The following MEF2D variants were observed in gnomAD, a reference collection of about 807,000 sequenced individuals.
MEF2D encodes myocyte-specific enhancer factor 2D.
MEF2D carries 10 observed loss-of-function variants against 59.3 expected under a neutral mutation model. The ratio of observed to expected loss-of-function variants is 0.17; its 90% CI spans 0.10 to 0.29. The LOEUF is 0.29. MEF2D is among the 10% of genes least tolerant of loss of function. The pLI, the probability that MEF2D is intolerant of heterozygous loss-of-function variation, is 1.00. For missense variants in MEF2D, 508 were observed against 699.4 expected, an observed-to-expected ratio of 0.73 and a Z score of 3.09; for synonymous variants, 305 against 295.0, an observed-to-expected ratio of 1.03 and a Z score of -0.35.
Position 156,464,423 on chromosome 1 carries a change from A to AGAAT in MEF2D, c.*3218_*3221dup, listed in dbSNP as rs1297427130. ...CACTGAGTGTGCTGTTGAGGGGGGG[A>AGAAT]GAATGGTGTGTTCCACTGAGGTGGT... On this transcript the variant is annotated 3_prime_UTR_variant, in exon 12 of 12. Coordinates refer to ENST00000348159, the MANE Select transcript of MEF2D (RefSeq NM_005920.4). The AGAAT allele has an allele frequency of 1.1e-5, 1 of 91,670 alleles. No individual in the cohort carries two copies. The highest frequency in any genetic ancestry group is 4.5e-5 in the African/African-American group (1 of 22,316). 5.7% of individuals were successfully genotyped at this position (91,670 alleles called of 1,614,324 possible). A position where few individuals can be genotyped will look rare whatever the true frequency, so the allele number is the denominator to read the frequency against.
At chr1:156,479,831 GGTT>G in intron 4 of MEF2D, 35 bp from the exon 5 acceptor site, 5 of 1,544,588 alleles carry the variant, frequency 3.2e-6, no homozygotes, top group Non-Finnish European at 3.5e-6. Context: ...GATCAGGCCA[GGTT>G]GACCCCTTCC....
intron 3 of MEF2D, among the ~76,000 whole-genome samples, chr1:156,481,329 T>A (rs1031243789): frequency 3.9e-5 from 6 of 152,174 alleles, no homozygotes; most frequent in African/African-American, 1.4e-4. Context: ...GATCAGTCCC[T>A]GCCCGACCAC....
In MEF2D at chr1:156,468,551, C is replaced by T. The variant is rs1671015710; in HGVS notation, c.1247+229G>A. Among the ~76,000 whole-genome samples the T allele has an allele frequency of 1.3e-5, 2 of 152,168 alleles. No homozygotes were observed. The highest frequency in any genetic ancestry group is 1.3e-4 in the Admixed American group (2 of 15,288). On this transcript the variant is annotated intron_variant, in intron 10 of 11. Transcript: ENST00000348159. The surrounding 1 kb of genome is among the most constrained non-coding windows in gnomAD (Gnocchi z 4.3). ...TCTTCTGCAACACAGGGCCCCCCACCTCCCACCCCCTACCCTGGGGCTGGC... is the reference window on the plus strand; with the variant it reads ...TCTTCTGCAACACAGGGCCCCCCACTTCCCACCCCCTACCCTGGGGCTGGC...
rs369014216 is a variant in MEF2D, at chr1:156,467,692, G to A, written c.1555-36C>T. On this transcript the variant is annotated intron_variant, in intron 11 of 11. Coordinates refer to ENST00000348159, the MANE Select transcript of MEF2D (RefSeq NM_005920.4). ...AGGAGATGGAGAAGGGGGTGTGAGG[G>A]GGTGGCCCAGGCTTTGGGTATGCAC... is the stretch of plus-strand genomic sequence containing the variant. 3.7e-6 allele frequency: 5 copies of A among 1,350,740 alleles called. No individual in the cohort carries two copies. The East Asian group carries it at 1.4e-4, about 37-fold the overall frequency. The allele number at this position is 1,350,740 out of a possible 1,614,324, so 83.7% of individuals were successfully genotyped here.
At position 156,468,239 on chromosome 1, in the gene MEF2D, G is replaced by C. The variant is rs1027489241; in HGVS notation, c.1308C>G (p.Ile436Met). Residue 436 changes from isoleucine (I) to methionine (M), a missense_variant, in exon 11 of 12, where the codon ATC becomes ATG. By Grantham distance (10) the Ile-to-Met change is conservative. Coordinates refer to ENST00000348159, the MANE Select transcript of MEF2D (RefSeq NM_005920.4). The surrounding 1 kb of genome is among the most constrained non-coding windows in gnomAD (Gnocchi z 4.3). ...GGGACACCGGTTCTGACTTGATGCT[G>C]ATGTGGGGGTGGGTGGTGACTGTGA... is the stretch of plus-strand genomic sequence containing the variant. ...AALTVTTHPHISIKSEPVSPS... is the reference protein window; with the variant it reads ...AALTVTTHPHMSIKSEPVSPS... 1 of 1,600,482 alleles carries C rather than the reference G, an allele frequency of 6.2e-7. No homozygotes were observed. Among genetic ancestry groups the C allele is most frequent in the Non-Finnish European group, 8.5e-7 (1 of 1,171,262 alleles).
intron 6 of MEF2D, among the ~76,000 whole-genome samples, chr1:156,477,572 C>T (rs1328825650): frequency 6.6e-6 from 1 of 152,180 alleles, no homozygotes; most frequent in Non-Finnish European, 1.5e-5. Context: ...CTTTAGTCTC[C>T]ACAGACAGGA....
intron 1 of MEF2D, among the ~76,000 whole-genome samples, chr1:156,494,703 G>A (rs1557897643): frequency 1.3e-5 from 2 of 152,198 alleles, no homozygotes; most frequent in African/African-American, 2.4e-5. Context: ...TTTTTCTGGC[G>A]GAAACTCCTT....
chr1:156,496,649 T>C (rs201221951), intron 1 of MEF2D, among the ~76,000 whole-genome samples: 1 of 152,004 alleles, frequency 6.6e-6, no homozygotes, highest in East Asian at 1.9e-4. Context: ...CCATCCCAAC[T>C]CTCCAATCCT....
rs200115292 is a variant in MEF2D, at chr1:156,468,203, C to T, written c.1344G>A (p.Glu448=). 5.0e-6 allele frequency: 8 copies of T among 1,613,386 alleles called. No individual in the cohort carries two copies. In the Admixed American group the frequency reaches 1.0e-4, roughly 20 times the overall value. The change falls in exon 11 of 12, where the codon GAG becomes GAA. Residue 448 remains glutamate, a synonymous_variant. Coordinates refer to ENST00000348159, the MANE Select transcript of MEF2D (RefSeq NM_005920.4). This position sits in a 1 kb window ranked among gnomAD's most constrained non-coding sequence, Gnocchi z 4.3. ...IKSEPVSPSR[E]RSPAPPPPAV... is the part of the protein sequence containing the mutation. ...CTGGAGGGGGAGGCGCAGGGCTGCG[C>T]TCACGGCTTGGGGACACCGGTTCTG...
At position 156,482,499 on chromosome 1, in the gene MEF2D, G is replaced by A. The variant is rs1160652471; in HGVS notation, c.196C>T (p.Leu66=). 6.2e-7 allele frequency: 1 copy of A among 1,614,150 alleles called. No individual in the cohort carries two copies. The highest frequency in any genetic ancestry group is 8.5e-7 in the Non-Finnish European group (1 of 1,180,052). The change falls in exon 3 of 12, where the codon CTG becomes TTG. Residue 66 remains leucine (L), a synonymous_variant. Coordinates refer to ENST00000348159, the MANE Select transcript of MEF2D (RefSeq NM_005920.4). ...TCATTGTACTCCGTGTACTTGAGCA[G>A]CACCTTGTCCATGTCGGTGCTGGCG... The part of the protein sequence containing the change: ...QYASTDMDKV[L]LKYTEYNEPH...
At chr1:156,490,705 C>T (rs1672736530) in intron 1 of MEF2D, 2 of 152,266 alleles carry the variant, frequency 1.3e-5, no homozygotes. Context: ...AGGGCTGAGC[C>T]CTCCCCCTAG....
chr1:156,495,534 C>T (rs987267565), intron 1 of MEF2D, among the ~76,000 whole-genome samples: 5 of 151,894 alleles, frequency 3.3e-5, no homozygotes, highest in Non-Finnish European at 7.4e-5. Flanking sequence ...GGGCGGGGCA[C>T]GATGGCTCAC....
chr1:156,473,587 C>T lies in MEF2D; in HGVS notation c.1006+1521G>A, dbSNP rs117101032. Among the ~76,000 whole-genome samples the T allele has an allele frequency of 4.7e-4, 72 of 152,324 alleles. No individual in the cohort carries two copies. The East Asian group carries it at 0.012, about 26-fold the overall frequency. ...CAAGGCGTTTCCTTACTGGCAAGTC[C>T]TTCTTGACACAGTGGCTTAGCATAC... On this transcript the variant is annotated intron_variant, in intron 9 of 11. Transcript: ENST00000348159.
Position 156,468,876 on chromosome 1 carries a change from G to T in MEF2D, c.1151C>A (p.Pro384Gln), listed in dbSNP as rs560157575. The change falls in exon 10 of 12, where the codon CCG becomes CAG. Residue 384 changes from proline to glutamine, a missense_variant. Physicochemically the swap from Pro to Gln is moderately conservative, Grantham distance 76. Transcript: ENST00000348159. This position sits in a 1 kb window ranked among gnomAD's most constrained non-coding sequence, Gnocchi z 4.3. ...CTGTGGCTGTGGCTGCTGTGGCTGC[G>T]GTGGCTGCTGCTGTGGAGGCTGTGG... The part of the protein sequence containing the change: ...QQPQPPQQQP[P>Q]QPQQPQPQQP... 23 of 1,612,884 alleles carry T rather than the reference G, an allele frequency of 1.4e-5. No individual in the cohort carries two copies. Among genetic ancestry groups the T allele is most frequent in the Non-Finnish European group, 1.8e-5 (21 of 1,179,408 alleles).
rs376909183 is a variant in MEF2D at position 156,466,916 on chromosome 1, C to A, written c.*729G>T. 9 of 152,726 alleles carry A rather than the reference C, an allele frequency of 5.9e-5. No homozygotes were observed. In the East Asian group the frequency reaches 9.6e-4, roughly 16 times the overall value. 9.5% of individuals were successfully genotyped at this position (152,726 alleles called of 1,614,324 possible). A position where few individuals can be genotyped will look rare whatever the true frequency, so the allele number is the denominator to read the frequency against. On this transcript the variant is annotated 3_prime_UTR_variant, in exon 12 of 12. Transcript: ENST00000348159. ...CTCCAAATGTGCTTCCAGAGAGGCCCCCACCTCAAACCCCTGTCTCCAGCC... is the reference window on the plus strand; with the variant it reads ...CTCCAAATGTGCTTCCAGAGAGGCCACCACCTCAAACCCCTGTCTCCAGCC...
In MEF2D at chr1:156,496,537, C is replaced by T. The variant is rs570206549; in HGVS notation, c.-139+3949G>A. Reference sequence around the variant, plus strand: ...TATTTTGCAGACAGGGCTCTGCCTGCCCATCTGTGGTCTAACCTTAATCCC... The same window carrying T: ...TATTTTGCAGACAGGGCTCTGCCTGTCCATCTGTGGTCTAACCTTAATCCC... On this transcript the variant is annotated intron_variant, in intron 1 of 11. Coordinates refer to ENST00000348159, the MANE Select transcript of MEF2D (RefSeq NM_005920.4). Among the ~76,000 whole-genome samples the T allele has an allele frequency of 2.6e-5, 4 of 152,246 alleles. No individual in the cohort carries two copies. In the East Asian group the frequency reaches 7.7e-4, roughly 29 times the overall value.
At chr1:156,478,381 C>A (rs1219887927) in intron 6 of MEF2D, among the ~76,000 whole-genome samples, 1 of 152,126 alleles carries the variant, frequency 6.6e-6, no homozygotes, top group Non-Finnish European at 1.5e-5. Flanking sequence ...CTGCCTCCAT[C>A]CCAATTCCCG....
Position 156,467,666 on chromosome 1 carries a change from G to A in MEF2D, c.1555-10C>T. 1 of 1,342,300 alleles carries A rather than the reference G, an allele frequency of 7.4e-7. No homozygotes were observed. Among genetic ancestry groups the A allele is most frequent in the Non-Finnish European group, 9.6e-7 (1 of 1,038,822 alleles). 83.1% of individuals were successfully genotyped at this position (1,342,300 alleles called of 1,614,324 possible). ...ATCGTCACTTTAATGTCTGTGAAGA[G>A]AGGAGATGGAGAAGGGGGTGTGAGG... On this transcript the variant is annotated splice_polypyrimidine_tract_variant and intron_variant, in intron 11 of 11. Transcript: ENST00000348159.
At chr1:156,485,811 G>C (rs1350555414) in intron 1 of MEF2D, among the ~76,000 whole-genome samples, 2 of 150,306 alleles carry the variant, frequency 1.3e-5, no homozygotes, top group Non-Finnish European at 3.0e-5. Flanking sequence ...CTGGGACCAT[G>C]AGTGTGTACC....
Sources: gnomAD v4.1 joint callset for allele counts (sites outside exome capture counted in the v4.1 genomes callset) on GRCh38, gnomAD v4.1.1 for gene constraint, Gnocchi (gnomAD v3.1) non-coding constraint, MANE v1.5 for transcripts, NCBI Gene and HGNC (gene_info 2026-07-23, HGNC 2026-07-21) for gene names.